ST6GAL2: variants seen among roughly 807,000 people sequenced by gnomAD.
ST6GAL2 encodes the protein ST6 beta-galactoside alpha-2,6-sialyltransferase 2, also known as beta-galactoside alpha-2,6-sialyltransferase 2.
ST6GAL2 carries 24 observed loss-of-function variants against 37.5 expected under a neutral mutation model. The ratio of observed to expected loss-of-function variants is 0.64; its 90% confidence interval spans 0.46 to 0.90. The LOEUF (loss-of-function observed/expected upper bound fraction) is 0.90, where lower values mean the gene tolerates loss of function less well. ST6GAL2 is among the 40% of genes least tolerant of loss of function. The pLI is 0.00. For synonymous variants in ST6GAL2, 306 were observed against 295.1 expected (o/e 1.04, Z -0.38); for missense variants, 715 against 712.7 (o/e 1.00, Z -0.04).
chr2:106,851,297 T>C (rs1169074883), intron 1 of ST6GAL2, among the ~76,000 whole-genome samples: 2 of 152,330 alleles, frequency 1.3e-5, no homozygotes. Flanking sequence ...ACGGTGATTG[T>C]TCCACTTGCT....
chr2:106,877,239 C>T (rs1024390991), intron 1 of ST6GAL2, among the ~76,000 whole-genome samples: 10 of 152,294 alleles, frequency 6.6e-5, no homozygotes, highest in Admixed American at 2.0e-4. Flanking sequence ...TCTTGCAGAC[C>T]TTCGATCCCA....
At chr2:106,867,355 A>G (rs973067981) in intron 1 of ST6GAL2, among the ~76,000 whole-genome samples, 15 of 152,264 alleles carry the variant, frequency 9.9e-5, no homozygotes, top group African/African-American at 3.4e-4. Flanking sequence ...ACTGTTGGCA[A>G]TCTGGACATG....
chr2:106,806,721 G>A lies in ST6GAL2; in HGVS notation c.1547C>T (p.Ala516Val), dbSNP rs200325346. 100 of 1,614,124 alleles carry A rather than the reference G, an allele frequency of 6.2e-5. 1 individual carries two copies. In the South Asian group the frequency reaches 7.7e-4, roughly 12 times the overall value. ...KGKVVLPGFQ[A>V]VHCPAPSPVI... is the part of the protein sequence containing the mutation. ...TGGACTTGGTGCAGGGCAGTGCACC[G>A]CCTGGAAGCCGGGAAGAACCACCTT... Residue 516 changes from alanine to valine, a missense_variant, in exon 6 of 6, where the codon GCG (alanine) becomes GTG (valine). Physicochemically the swap from Ala to Val is moderately conservative, Grantham distance 64. Coordinates refer to ENST00000409382, the MANE Select transcript of ST6GAL2 (RefSeq NM_001142351.2).
intron 5 of ST6GAL2, among the ~76,000 whole-genome samples, chr2:106,816,553 A>G (rs951524358): frequency 6.6e-6 from 1 of 152,180 alleles, no homozygotes; most frequent in Non-Finnish European, 1.5e-5. Flanking sequence ...CAAAAACCTG[A>G]TGTTAAAAAC....
rs931844470 is a variant in ST6GAL2, at chr2:106,834,108, T to C, written c.982A>G (p.Thr328Ala). 3 of 1,613,840 alleles carry C rather than the reference T, an allele frequency of 1.9e-6. No individual in the cohort carries two copies. Among genetic ancestry groups the C allele is most frequent in the Non-Finnish European group, 2.5e-6 (3 of 1,179,828 alleles). Reference sequence around the variant, plus strand: ...CCAACATCTTTCTCATAACCACGTGTAGGAGCAGAGTTAAATCTCAAAACC... The same window carrying C: ...CCAACATCTTTCTCATAACCACGTGCAGGAGCAGAGTTAAATCTCAAAACC... ...DAVLRFNSAP[T>A]RGYEKDVGNK... Residue 328 changes from threonine to alanine, a missense_variant, in exon 3 of 6, where the codon ACA becomes GCA. Transcript: ENST00000409382.
In ST6GAL2 at chr2:106,843,259, C is replaced by T; in HGVS notation, c.719G>A (p.Gly240Glu). 1 of 1,599,422 alleles carries T rather than the reference C, an allele frequency of 6.3e-7. No homozygotes were observed. Among genetic ancestry groups the T allele is most frequent in the Non-Finnish European group, 8.5e-7 (1 of 1,172,776 alleles). Residue 240 changes from glycine (G) to glutamate (E), a missense_variant, in exon 2 of 6, where the codon GGG becomes GAG. Gly to Glu is a moderately conservative substitution (Grantham distance 98). This residue lies in a region of ST6GAL2 where 512 missense variants were observed against 488.8 expected (regional missense o/e 1.05). Coordinates refer to ENST00000409382, the MANE Select transcript of ST6GAL2 (RefSeq NM_001142351.2). Reference protein sequence around the residue: ...TANKHGVRFRGKREAGLSRAQ... With the variant: ...TANKHGVRFREKREAGLSRAQ... ...CCTGCTCAGCCCGGCCTCCCGCTTC[C>T]CGCGGAAGCGCACCCCGTGCTTGTT...
At position 106,804,949 on chromosome 2, in the gene ST6GAL2, C is replaced by A. The variant is rs1339347788; in HGVS notation, c.*1729G>T. ...TAGGACAAAGTTACCTATCCCTTCTCATTGACTTAATAACAAAACTCTCAA... is the reference window on the plus strand; with the variant it reads ...TAGGACAAAGTTACCTATCCCTTCTAATTGACTTAATAACAAAACTCTCAA... On this transcript the variant is annotated 3_prime_UTR_variant, in exon 6 of 6. Transcript: ENST00000409382. 3 of 152,014 alleles carry A rather than the reference C, an allele frequency of 2.0e-5. No homozygotes were observed. The highest frequency in any genetic ancestry group is 2.1e-4 in the South Asian group (1 of 4,826). 9.4% of individuals were successfully genotyped at this position (152,014 alleles called of 1,614,324 possible).
intron 1 of ST6GAL2, among the ~76,000 whole-genome samples, chr2:106,854,048 T>C (rs1229972492): frequency 6.6e-6 from 1 of 152,220 alleles, no homozygotes; most frequent in Non-Finnish European, 1.5e-5. Flanking sequence ...AGATGGAAGA[T>C]GTATACCTGC....
chr2:106,879,627 A>G (rs1427162212), intron 1 of ST6GAL2, among the ~76,000 whole-genome samples: 1 of 150,532 alleles, frequency 6.6e-6, no homozygotes, highest in African/African-American at 2.4e-5. Context: ...TTATATATAT[A>G]TCTATTATAG....
chr2:106,852,215 G>A (rs181249925), intron 1 of ST6GAL2, among the ~76,000 whole-genome samples: 83 of 152,318 alleles, frequency 5.4e-4, no homozygotes, highest in South Asian at 1.9e-3. Context: ...CTGTGGTAGC[G>A]GGAGGACATC....
At position 106,827,868 on chromosome 2, in the gene ST6GAL2, T is replaced by C. The variant is rs1196534131; in HGVS notation, c.1318+2198A>G. On this transcript the variant is annotated intron_variant, in intron 5 of 5. Coordinates refer to ENST00000409382, the MANE Select transcript of ST6GAL2 (RefSeq NM_001142351.2). The stretch of plus-strand genomic sequence containing the variant: ...TGCTTATTAGTATTTCCATTTCTCA[T>C]CTGTGGATATTCAGGGTCAGAGGAT... Among the ~76,000 whole-genome samples, 4 of 152,174 alleles carry C rather than the reference T, an allele frequency of 2.6e-5. No homozygotes were observed. The East Asian group carries it at 7.7e-4, about 29-fold the overall frequency.
At chr2:106,823,969 T>C (rs1350709995) in intron 5 of ST6GAL2, among the ~76,000 whole-genome samples, 1 of 152,114 alleles carries the variant, frequency 6.6e-6, no homozygotes, top group African/African-American at 2.4e-5. Flanking sequence ...TAACATCACC[T>C]TGAGGGTTAG....
At chr2:106,862,723 G>T (rs1183624718) in intron 1 of ST6GAL2, among the ~76,000 whole-genome samples, 1 of 152,120 alleles carries the variant, frequency 6.6e-6, no homozygotes, top group East Asian at 1.9e-4. Context: ...GTGAAAACAA[G>T]TAAGAAGCAT....
intron 2 of ST6GAL2, among the ~76,000 whole-genome samples, chr2:106,837,651 A>G (rs1251583358): frequency 1.3e-5 from 2 of 152,084 alleles, no homozygotes; most frequent in African/African-American, 4.8e-5. Flanking sequence ...GCAATCCTCA[A>G]TCTCAGTTCT....
intron 5 of ST6GAL2, 42 bp from the exon 6 acceptor site, chr2:106,806,991 A>G (rs1296200883): frequency 4.5e-5 from 70 of 1,542,122 alleles, no homozygotes; most frequent in Non-Finnish European, 6.2e-5. Flanking sequence ...GAACAACTCC[A>G]TGTGAGAGGG....
At chr2:106,836,786 A>T (rs1676660683) in intron 2 of ST6GAL2, among the ~76,000 whole-genome samples, 1 of 149,136 alleles carries the variant, frequency 6.7e-6, no homozygotes, top group African/African-American at 2.5e-5. Flanking sequence ...AAAAAAAAAA[A>T]AAAAAAAAAA....
At chr2:106,886,434 G>T (rs1233704682), upstream of ST6GAL2, 1 of 152,106 alleles carries the variant, frequency 6.6e-6, no homozygotes, top group Non-Finnish European at 1.5e-5. Context: ...ACCTCTCCGG[G>T]GCCAGCGCTG....
chr2:106,865,204 TAA>T (rs993169969), intron 1 of ST6GAL2, among the ~76,000 whole-genome samples: 2 of 152,202 alleles, frequency 1.3e-5, no homozygotes, highest in African/African-American at 4.8e-5. Flanking sequence ...TCTTTGCTTT[TAA>T]ACTGGCTCAT....
intron 1 of ST6GAL2, among the ~76,000 whole-genome samples, chr2:106,857,309 A>G (rs1677614565): frequency 6.6e-6 from 1 of 152,166 alleles, no homozygotes; most frequent in Non-Finnish European, 1.5e-5. Context: ...TTTATATTAG[A>G]ACACATAATA....
Sources: gnomAD v4.1 joint callset for allele counts (sites outside exome capture counted in the v4.1 genomes callset) on GRCh38, gnomAD v4.1.1 for gene constraint, gnomAD v4.1.1 regional missense constraint, MANE v1.5 for transcripts, NCBI Gene and HGNC (gene_info 2026-07-23, HGNC 2026-07-21) for gene names.